Variants in ROBO1 observed in about 807,000 individuals in gnomAD.
The protein encoded by ROBO1 is roundabout homolog 1.
ROBO1 carries 149 observed loss-of-function variants against 195.9 expected under a neutral mutation model. That is an observed-to-expected ratio of 0.76 (90% CI 0.67 to 0.87). ROBO1 has a LOEUF of 0.87. Ranked by LOEUF, ROBO1 falls within the 40% of genes least tolerant of loss-of-function variation. ROBO1 has a pLI of 0.00. For synonymous variants in ROBO1, 816 were observed against 733.2 expected, an observed-to-expected ratio of 1.11 and a Z score of -1.82; for missense variants, 1,933 against 2,068.3, an observed-to-expected ratio of 0.93 and a Z score of 1.27.
chr3:79,334,315 T>C (rs868312253), intron 2 of ROBO1, among the ~76,000 whole-genome samples: 1 of 140,966 alleles, frequency 7.1e-6, no homozygotes, highest in Non-Finnish European at 1.5e-5. Context: ...AAAAAAAATA[T>C]ATATATATAT....
chr3:78,746,601 AT>A (rs976225983), intron 5 of ROBO1, 141 bp downstream of exon 5: 1 of 589,632 alleles, frequency 1.7e-6, no homozygotes, highest in Non-Finnish European at 2.6e-6. Flanking sequence ...TGAAATATAT[AT>A]TTTTTAAAAG....
At chr3:79,288,757 C>T (rs981236584) in intron 2 of ROBO1, among the ~76,000 whole-genome samples, 4 of 152,136 alleles carry the variant, frequency 2.6e-5, no homozygotes, top group African/African-American at 7.2e-5. Context: ...TATTTTATTT[C>T]TCCTCACCTG....
At chr3:79,404,798 T>C (rs1405355871) in intron 2 of ROBO1, among the ~76,000 whole-genome samples, 3 of 152,118 alleles carry the variant, frequency 2.0e-5, no homozygotes, top group Non-Finnish European at 4.4e-5. Context: ...TAGATTATAA[T>C]TAAATTATTG....
chr3:78,721,030 T>C (rs951154463), intron 5 of ROBO1, among the ~76,000 whole-genome samples: 2 of 151,586 alleles, frequency 1.3e-5, no homozygotes, highest in Admixed American at 6.6e-5. Context: ...CACACCAACA[T>C]GGCACATGTA....
chr3:79,114,682 A>G (rs2079957868), intron 3 of ROBO1, among the ~76,000 whole-genome samples: 4 of 152,190 alleles, frequency 2.6e-5, no homozygotes, highest in Admixed American at 6.5e-5. Flanking sequence ...GGGTCTAGTC[A>G]TATCAGGACA....
At chr3:79,300,188 C>A (rs1240152469) in intron 2 of ROBO1, among the ~76,000 whole-genome samples, 1 of 152,156 alleles carries the variant, frequency 6.6e-6, no homozygotes, top group South Asian at 2.1e-4. Context: ...AAGGCCGAGC[C>A]GGCTCCCTCA....
At chr3:78,881,282 A>G (rs1053322105) in intron 4 of ROBO1, among the ~76,000 whole-genome samples, 1 of 152,172 alleles carries the variant, frequency 6.6e-6, no homozygotes, top group Non-Finnish European at 1.5e-5. Flanking sequence ...AGTTGGTGGG[A>G]AAGTGTGTTA....
At chr3:78,638,396 G>A (rs1040041287) in intron 22 of ROBO1, among the ~76,000 whole-genome samples, 2 of 150,796 alleles carry the variant, frequency 1.3e-5, no homozygotes, top group Admixed American at 1.3e-4. Context: ...CATAAAATCT[G>A]ATTTTAAATT....
chr3:78,679,432 T>C lies in ROBO1; in HGVS notation c.1342+6314A>G, dbSNP rs527808401. ...GATTGTATATCTACAAAAACCCCAT[T>C]GTCTCAGCCCAAAATCTCCTTAAGC... is the stretch of plus-strand genomic sequence containing the variant. On this transcript the variant is annotated intron_variant, in intron 10 of 30. Coordinates refer to ENST00000464233, the MANE Select transcript of ROBO1 (RefSeq NM_002941.4). Among the ~76,000 whole-genome samples the C allele has an allele frequency of 1.4e-4, 21 of 152,274 alleles. No individual in the cohort carries two copies. The South Asian group carries it at 3.1e-3, about 23-fold the overall frequency.
intron 2 of ROBO1, among the ~76,000 whole-genome samples, chr3:79,553,435 A>C (rs1942592183): frequency 6.6e-6 from 1 of 152,066 alleles, no homozygotes; most frequent in African/African-American, 2.4e-5. Context: ...TTTCTCTCTG[A>C]AAAGGTAATA....
chr3:79,304,546 C>G (rs1268440951), intron 2 of ROBO1, among the ~76,000 whole-genome samples: 1 of 152,140 alleles, frequency 6.6e-6, no homozygotes, highest in Non-Finnish European at 1.5e-5. Flanking sequence ...CCCAAGCAAC[C>G]ACCAGTCTAC....
chr3:79,699,434 A>G (rs1339950789), intron 1 of ROBO1, among the ~76,000 whole-genome samples: 3 of 151,622 alleles, frequency 2.0e-5, no homozygotes, highest in African/African-American at 7.3e-5. Flanking sequence ...CCATAAATAC[A>G]ATAACATTCT....
chr3:79,098,786 A>G (rs2079618215), intron 3 of ROBO1, among the ~76,000 whole-genome samples: 1 of 151,948 alleles, frequency 6.6e-6, no homozygotes, highest in African/African-American at 2.4e-5. Context: ...TTTAGAATTA[A>G]CTAATTAATT....
intron 1 of ROBO1, among the ~76,000 whole-genome samples, chr3:79,631,500 GA>G (rs1179550286): frequency 2.0e-5 from 3 of 151,996 alleles, no homozygotes; most frequent in Non-Finnish European, 2.9e-5. Flanking sequence ...ATGGATTAAA[GA>G]CTTAATTATA....
chr3:79,751,953 A>G (rs1446258957), intron 1 of ROBO1, among the ~76,000 whole-genome samples: 1 of 152,172 alleles, frequency 6.6e-6, no homozygotes, highest in Non-Finnish European at 1.5e-5. Context: ...TCCATTCAAC[A>G]AAGTTAAGAA....
chr3:79,586,219 G>T (rs1323693975), intron 2 of ROBO1, among the ~76,000 whole-genome samples: 2 of 151,928 alleles, frequency 1.3e-5, no homozygotes, highest in Non-Finnish European at 2.9e-5. Flanking sequence ...ATACATGGGG[G>T]TTGTATGTAT....
chr3:79,150,697 C>A (rs2080749599), intron 2 of ROBO1, among the ~76,000 whole-genome samples: 1 of 151,790 alleles, frequency 6.6e-6, no homozygotes, highest in Non-Finnish European at 1.5e-5. Flanking sequence ...TATTTGCATT[C>A]TATTTCAGAA....
chr3:79,443,697 C>A (rs1473251478), intron 2 of ROBO1, among the ~76,000 whole-genome samples: 1 of 152,184 alleles, frequency 6.6e-6, no homozygotes, highest in East Asian at 1.9e-4. Flanking sequence ...CTAAAATCCA[C>A]ATGGACAAAG....
At chr3:78,732,416 C>A (rs918927939) in intron 5 of ROBO1, among the ~76,000 whole-genome samples, 1 of 152,026 alleles carries the variant, frequency 6.6e-6, no homozygotes, top group Non-Finnish European at 1.5e-5. Flanking sequence ...AGAAAAAAAA[C>A]AATGTGTATG....
Sources: gnomAD v4.1 joint callset for allele counts (sites outside exome capture counted in the v4.1 genomes callset) on GRCh38, gnomAD v4.1.1 for gene constraint, MANE v1.5 for transcripts, NCBI Gene and HGNC (gene_info 2026-07-23, HGNC 2026-07-21) for gene names.